The following SLC9B1 variants were observed in gnomAD, a reference collection of about 807,000 sequenced individuals.
SLC9B1 encodes solute carrier family 9 member B1.
A neutral mutation model predicts 51.7 loss-of-function variants in SLC9B1; 32 were observed. The observed-to-expected ratio is 0.62, with a 90% CI of 0.47 to 0.83. The LOEUF is 0.83. SLC9B1 is among the 40% of genes least tolerant of loss of function. SLC9B1 has a pLI of 0.00. For missense variants in SLC9B1, 406 were observed against 613.2 expected (o/e 0.66, Z 3.57); for synonymous variants, 145 against 212.7 (o/e 0.68, Z 2.77).
chr4:102,960,786 G>A (rs1481655281), intron 3 of SLC9B1, among the ~76,000 whole-genome samples: 1 of 150,072 alleles, frequency 6.7e-6, no homozygotes, highest in African/African-American at 2.5e-5. Context: ...AGGCTGGAGT[G>A]CAATGGCATG....
intron 1 of SLC9B1, among the ~76,000 whole-genome samples, chr4:103,004,254 T>C (rs1410041666): frequency 6.6e-6 from 1 of 152,086 alleles, no homozygotes; most frequent in Non-Finnish European, 1.5e-5. Flanking sequence ...ACTGATCTGA[T>C]AGAACTAAGA....
chr4:102,982,256 G>T (rs996475914), intron 3 of SLC9B1, among the ~76,000 whole-genome samples: 1 of 151,994 alleles, frequency 6.6e-6, no homozygotes, highest in Admixed American at 6.6e-5. Flanking sequence ...CTGTTTGATT[G>T]ATCTCTTTGT....
At chr4:102,972,830 C>T in intron 3 of SLC9B1, among the ~76,000 whole-genome samples, 1 of 152,008 alleles carries the variant, frequency 6.6e-6, no homozygotes, top group East Asian at 1.9e-4. Flanking sequence ...ACTGGAAAAC[C>T]ATAAGTTGGA....
At chr4:102,978,448 T>A (rs1739190365) in intron 3 of SLC9B1, among the ~76,000 whole-genome samples, 1 of 151,980 alleles carries the variant, frequency 6.6e-6, no homozygotes, top group Non-Finnish European at 1.5e-5. Context: ...GAATCTACAA[T>A]GAACTCAAAC....
At chr4:103,019,114 G>A (rs890509051) in intron 1 of SLC9B1, among the ~76,000 whole-genome samples, 1 of 152,058 alleles carries the variant, frequency 6.6e-6, no homozygotes, top group Non-Finnish European at 1.5e-5. Context: ...TGTCCCCTGG[G>A]TTAAAGCCAA....
At chr4:102,893,919 C>A (rs1330127656) in intron 11 of SLC9B1, among the ~76,000 whole-genome samples, 3 of 151,950 alleles carry the variant, frequency 2.0e-5, no homozygotes, top group Non-Finnish European at 4.4e-5. Flanking sequence ...AACAAAAAAA[C>A]CAAAACTATA....
At chr4:103,019,429 A>G (rs763536923) in intron 1 of SLC9B1, among the ~76,000 whole-genome samples, 170 bp downstream of exon 1, 9 of 152,156 alleles carry the variant, frequency 5.9e-5, no homozygotes, top group Non-Finnish European at 1.0e-4. Flanking sequence ...GAGAGGAGAG[A>G]CAATGTCTGT....
intron 7 of SLC9B1, among the ~76,000 whole-genome samples, chr4:102,916,038 T>A (rs1333696511): frequency 6.6e-6 from 1 of 151,674 alleles, no homozygotes; most frequent in African/African-American, 2.4e-5. Flanking sequence ...TGGAAAAAAA[T>A]AGCTGCAAGA....
At chr4:102,930,770 A>G (rs562580357) in intron 7 of SLC9B1, among the ~76,000 whole-genome samples, 46 of 152,296 alleles carry the variant, frequency 3.0e-4, no homozygotes, top group Middle Eastern at 3.4e-3. Context: ...AATAGTAAAT[A>G]TTGGAGTCAA....
In SLC9B1 at chr4:102,932,235, C is replaced by A; in HGVS notation, c.718G>T (p.Gly240Ter). Residue 240 changes from glycine to a stop codon, truncating the protein, a stop_gained, in exon 7 of 12, where the codon GGA becomes TGA. Coordinates refer to ENST00000296422, the MANE Select transcript of SLC9B1 (RefSeq NM_139173.4). LOFTEE classifies it high-confidence loss of function. ...VPYMMVLQEN[G>*]YGVEEGIPTL... ...GGAATGCCTTCCTCAACACCATATC[C>A]ATTTTCTTGCAGCACCATCATGTAA... is the stretch of plus-strand genomic sequence containing the variant. 6.2e-7 allele frequency: 1 copy of A among 1,611,860 alleles called. No individual in the cohort carries two copies. The highest frequency in any genetic ancestry group is 8.5e-7 in the Non-Finnish European group (1 of 1,179,806).
chr4:102,972,933 T>A (rs974678353), intron 3 of SLC9B1, among the ~76,000 whole-genome samples: 1 of 152,186 alleles, frequency 6.6e-6, no homozygotes, highest in African/African-American at 2.4e-5. Flanking sequence ...TTAATTCAAG[T>A]ACACATATTA....
intron 7 of SLC9B1, among the ~76,000 whole-genome samples, chr4:102,921,420 A>G (rs1735871667): frequency 6.6e-6 from 1 of 152,216 alleles, no homozygotes; most frequent in Non-Finnish European, 1.5e-5. Context: ...AGCACTAAAC[A>G]TGGAAAGAAA....
intron 6 of SLC9B1, among the ~76,000 whole-genome samples, chr4:102,935,910 C>A (rs1431278682): frequency 6.6e-6 from 1 of 152,208 alleles, no homozygotes; most frequent in East Asian, 1.9e-4. Flanking sequence ...CCTGCCGGCA[C>A]TGCACCCCTG....
chr4:102,889,253 T>C (rs2110406865), intron 11 of SLC9B1: 1 of 152,544 alleles, frequency 6.6e-6, no homozygotes, highest in South Asian at 2.1e-4. Flanking sequence ...CTTCTTTGAC[T>C]CTGGGTGCTT....
intron 3 of SLC9B1, among the ~76,000 whole-genome samples, chr4:102,977,960 A>G (rs1195669575): frequency 6.6e-6 from 1 of 151,852 alleles, no homozygotes; most frequent in Non-Finnish European, 1.5e-5. Context: ...CCTCCCCACT[A>G]CACCCACCCC....
chr4:102,900,956 A>G lies in SLC9B1; in HGVS notation c.*161T>C. ...CATTTAATATTATTTTTATTAAATT[A>G]ACTTTGGAGTAAAAAGTCCAAGAAA... is the stretch of plus-strand genomic sequence containing the variant. On this transcript the variant is annotated 3_prime_UTR_variant, in exon 12 of 12. Transcript: ENST00000296422. The G allele has an allele frequency of 7.1e-7, 1 of 1,404,064 alleles. No individual in the cohort carries two copies. The highest frequency in any genetic ancestry group is 1.5e-5 in the South Asian group (1 of 66,910). The allele number at this position is 1,404,064 out of a possible 1,614,324, so 87.0% of individuals were successfully genotyped here.
intron 3 of SLC9B1, among the ~76,000 whole-genome samples, chr4:102,951,610 C>T (rs187437409): frequency 6.6e-6 from 1 of 150,668 alleles, no homozygotes; most frequent in Admixed American, 6.6e-5. Flanking sequence ...CACTAAGTAC[C>T]CAAACAGCAG....
chr4:102,935,761 A>G (rs1415369119), intron 6 of SLC9B1, among the ~76,000 whole-genome samples: 4 of 152,214 alleles, frequency 2.6e-5, no homozygotes, highest in Non-Finnish European at 4.4e-5. Flanking sequence ...AGTCCAGAAC[A>G]TTATTTTCAA....
chr4:102,889,140 G>GAGTT (rs1476846894), intron 11 of SLC9B1: 19 of 152,328 alleles, frequency 1.2e-4, no homozygotes, highest in African/African-American at 4.6e-4. Flanking sequence ...ATGTATTTTA[G>GAGTT]AGTTAGAAAT....
Sources: gnomAD v4.1 joint callset for allele counts (sites outside exome capture counted in the v4.1 genomes callset) on GRCh38, gnomAD v4.1.1 for gene constraint, MANE v1.5 for transcripts, NCBI Gene and HGNC (gene_info 2026-07-23, HGNC 2026-07-21) for gene names.